KLF15: variants seen among roughly 807,000 people sequenced by gnomAD.
The protein encoded by KLF15 is KLF transcription factor 15, also known as Krueppel-like factor 15.
In KLF15, 4 loss-of-function variants were observed where a neutral mutation model predicts 24.6. The ratio of observed to expected loss-of-function variants is 0.16; its 90% CI spans 0.08 to 0.37. KLF15 has a LOEUF of 0.37. Among genes scored for constraint, KLF15 ranks in the 10% least tolerant of loss-of-function variants. The pLI is 1.00. For synonymous variants in KLF15, 246 were observed against 236.3 expected (o/e 1.04, Z -0.37); for missense variants, 496 against 560.6 (o/e 0.88, Z 1.16).
At chr3:126,323,448 T>C in the KLF15 span, among the ~76,000 whole-genome samples, 11 of 40,722 alleles carry the variant, frequency 2.7e-4, no homozygotes, top group African/African-American at 1.2e-3. Context: ...ATATATATGT[T>C]ATATATATAT....
chr3:126,340,143 T>G (rs577404108), downstream of KLF15, among the ~76,000 whole-genome samples: 1 of 152,294 alleles, frequency 6.6e-6, no homozygotes, highest in East Asian at 1.9e-4. Context: ...ACAATGTGCT[T>G]ACAATGGAAA....
At chr3:126,294,434 G>A in the KLF15 span, among the ~76,000 whole-genome samples, 4 of 152,160 alleles carry the variant, frequency 2.6e-5, no homozygotes, top group East Asian at 1.9e-4. Flanking sequence ...GGTGCTCATC[G>A]TCTTCGTCTC....
At chr3:126,316,547 G>A in the KLF15 span, among the ~76,000 whole-genome samples, 232 of 24,318 alleles carry the variant, frequency 9.5e-3, no homozygotes, top group African/African-American at 0.024. Context: ...GGGCCGGAGT[G>A]GGGAAGAGGG....
chr3:126,322,300 C>T, the KLF15 span, among the ~76,000 whole-genome samples: 3 of 152,306 alleles, frequency 2.0e-5, no homozygotes, highest in Non-Finnish European at 2.9e-5. Flanking sequence ...AAGGTGCCAT[C>T]GGTGGCGCTG....
At chr3:126,307,521 A>T in the KLF15 span, among the ~76,000 whole-genome samples, 1 of 152,170 alleles carries the variant, frequency 6.6e-6, no homozygotes, top group African/African-American at 2.4e-5. Flanking sequence ...ATGCAGTCTA[A>T]AAGAGGGTGC....
chr3:126,302,358 T>C, the KLF15 span, among the ~76,000 whole-genome samples: 3 of 152,238 alleles, frequency 2.0e-5, no homozygotes, highest in Non-Finnish European at 2.9e-5. Flanking sequence ...TCTACTGTTA[T>C]TGAATTGAGT....
the KLF15 span, among the ~76,000 whole-genome samples, chr3:126,323,460 T>TATATATATAACATATATATAA: frequency 2.1e-5 from 2 of 96,974 alleles, no homozygotes; most frequent in African/African-American, 1.0e-4. Context: ...TATATATATA[T>TATATATATAACATATATATAA]AACATATATA....
At chr3:126,350,005 C>G (rs933371487) in intron 2 of KLF15, among the ~76,000 whole-genome samples, 11 of 152,224 alleles carry the variant, frequency 7.2e-5, no homozygotes, top group Non-Finnish European at 1.5e-4. Flanking sequence ...CACGCCTGCC[C>G]TGGGCTGCAA....
chr3:126,307,556 C>A, the KLF15 span, among the ~76,000 whole-genome samples: 1 of 152,210 alleles, frequency 6.6e-6, no homozygotes, highest in Admixed American at 6.5e-5. Flanking sequence ...ACAGCCAGCG[C>A]TACAGCACCT....
At chr3:126,341,446 G>A (rs1226619738), downstream of KLF15, among the ~76,000 whole-genome samples, 4 of 152,204 alleles carry the variant, frequency 2.6e-5, no homozygotes, top group Non-Finnish European at 2.9e-5. Flanking sequence ...GGGCTGAACT[G>A]CTTGTTTATG....
At chr3:126,330,267 C>G in the KLF15 span, among the ~76,000 whole-genome samples, 1 of 152,210 alleles carries the variant, frequency 6.6e-6, no homozygotes, top group Middle Eastern at 3.2e-3. Context: ...AGCCAACCCA[C>G]AGGATCATAG....
the KLF15 span, among the ~76,000 whole-genome samples, chr3:126,329,388 G>A: frequency 6.6e-5 from 10 of 152,176 alleles, no homozygotes; most frequent in African/African-American, 2.2e-4. Flanking sequence ...GGAAGCTGAG[G>A]TGTGGCAAAT....
downstream of KLF15, among the ~76,000 whole-genome samples, chr3:126,339,583 A>G (rs1464490886): frequency 6.6e-6 from 1 of 152,112 alleles, no homozygotes; most frequent in Admixed American, 6.5e-5. Context: ...CTACTCAGAC[A>G]TGGCCCCCAC....
chr3:126,289,338 A>C, the KLF15 span, among the ~76,000 whole-genome samples: 17 of 152,394 alleles, frequency 1.1e-4, no homozygotes, highest in Non-Finnish European at 2.2e-4. Context: ...TGAATATTGC[A>C]AGAACTAAAT....
the KLF15 span, among the ~76,000 whole-genome samples, chr3:126,292,543 G>C: frequency 6.6e-6 from 1 of 152,240 alleles, no homozygotes; most frequent in Non-Finnish European, 1.5e-5. Context: ...AACAGGGAAA[G>C]AGAAGGCCCT....
chr3:126,296,484 G>A, the KLF15 span, among the ~76,000 whole-genome samples: 1 of 152,234 alleles, frequency 6.6e-6, no homozygotes, highest in East Asian at 1.9e-4. Flanking sequence ...TGGAATTACA[G>A]GCGTGAGCCA....
the KLF15 span, among the ~76,000 whole-genome samples, chr3:126,323,489 C>T: frequency 3.4e-4 from 22 of 64,930 alleles, 1 homozygote; most frequent in African/African-American, 6.7e-4. Context: ...ATATATATAA[C>T]ATATATATAT....
At chr3:126,341,408 C>T (rs1255123766), downstream of KLF15, among the ~76,000 whole-genome samples, 1 of 152,200 alleles carries the variant, frequency 6.6e-6, no homozygotes, top group Admixed American at 6.5e-5. Flanking sequence ...AACAATCCTC[C>T]CTGTCCCTCT....
chr3:126,327,629 G>A, the KLF15 span, among the ~76,000 whole-genome samples: 1 of 152,188 alleles, frequency 6.6e-6, no homozygotes, highest in African/African-American at 2.4e-5. Flanking sequence ...CTCCTGTGCT[G>A]CTGGGGGCAT....
Sources: gnomAD v4.1 joint callset for allele counts (sites outside exome capture counted in the v4.1 genomes callset) on GRCh38, gnomAD v4.1.1 for gene constraint, MANE v1.5 for transcripts, NCBI Gene and HGNC (gene_info 2026-07-23, HGNC 2026-07-21) for gene names.